TRMT11: variants seen among roughly 807,000 people sequenced by gnomAD.
TRMT11 encodes the protein tRNA (guanine(10)-N(2))-methyltransferase TRMT11.
In TRMT11, 53 loss-of-function variants were observed where a neutral mutation model predicts 62.8. That is an observed-to-expected ratio of 0.84 (90% CI 0.68 to 1.06). TRMT11 has a LOEUF of 1.06. TRMT11 is among the 50% of genes least tolerant of loss of function. The pLI, the probability that TRMT11 is intolerant of heterozygous loss-of-function variation, is 0.00. For missense variants in TRMT11, 556 were observed against 553.4 expected (o/e 1.00, Z -0.05); for synonymous variants, 188 against 190.3 (o/e 0.99, Z 0.10).
intron 7 of TRMT11, among the ~76,000 whole-genome samples, chr6:126,006,451 C>T (rs868071108): frequency 6.6e-6 from 1 of 151,768 alleles, no homozygotes; most frequent in African/African-American, 2.4e-5. Flanking sequence ...AAGATACTAC[C>T]CTAACCTTAA....
At chr6:126,029,183 C>T (rs1458965947) in intron 12 of TRMT11, among the ~76,000 whole-genome samples, 1 of 152,122 alleles carries the variant, frequency 6.6e-6, no homozygotes, top group Non-Finnish European at 1.5e-5. Context: ...TATTCAAATT[C>T]ACATGTAAAC....
At chr6:126,237,073 G>T in the TRMT11 span, among the ~76,000 whole-genome samples, 2 of 151,512 alleles carry the variant, frequency 1.3e-5, no homozygotes, top group African/African-American at 4.9e-5. Flanking sequence ...GATAGAGAGA[G>T]AGAGAGAGAG....
intron 12 of TRMT11, among the ~76,000 whole-genome samples, chr6:126,033,005 A>G (rs1002971785): frequency 2.0e-5 from 3 of 152,168 alleles, no homozygotes; most frequent in Admixed American, 6.5e-5. Context: ...TTTTAATCCT[A>G]TGATCCCTAG....
At chr6:126,125,841 A>T (rs527717811) in intron 21 of TRMT11, among the ~76,000 whole-genome samples, 1 of 143,230 alleles carries the variant, frequency 7.0e-6, no homozygotes, top group African/African-American at 2.5e-5. Context: ...TCTTCAGTGT[A>T]GGATGAAATG....
chr6:126,089,241 G>C (rs1306589436), intron 17 of TRMT11, among the ~76,000 whole-genome samples: 1 of 151,936 alleles, frequency 6.6e-6, no homozygotes, highest in Admixed American at 6.6e-5. Context: ...AGCCTCCTGA[G>C]TAGCTGGGAT....
intron 12 of TRMT11, among the ~76,000 whole-genome samples, chr6:126,035,585 C>T (rs1381167697): frequency 6.6e-6 from 1 of 152,104 alleles, no homozygotes; most frequent in Non-Finnish European, 1.5e-5. Context: ...TCTTTCCCAC[C>T]TTCTCCAGTA....
At chr6:126,043,014 C>T (rs1161477939), downstream of TRMT11, among the ~76,000 whole-genome samples, 1 of 151,580 alleles carries the variant, frequency 6.6e-6, no homozygotes, top group African/African-American at 2.4e-5. Flanking sequence ...AGCCAAATTG[C>T]CTTTGCATTT....
chr6:126,028,883 A>G (rs1211538596), intron 12 of TRMT11, among the ~76,000 whole-genome samples: 3 of 152,184 alleles, frequency 2.0e-5, no homozygotes, highest in African/African-American at 7.2e-5. Flanking sequence ...CTGAGAGAAC[A>G]CATGTCTTTA....
intron 1 of TRMT11, among the ~76,000 whole-genome samples, chr6:126,179,352 T>C (rs933794148): frequency 3.3e-5 from 5 of 152,208 alleles, no homozygotes; most frequent in Non-Finnish European, 7.3e-5. Context: ...AATTTCTGTA[T>C]TGTTATTTAA....
At chr6:126,239,058 T>G in the TRMT11 span, among the ~76,000 whole-genome samples, 1 of 152,206 alleles carries the variant, frequency 6.6e-6, no homozygotes, top group Non-Finnish European at 1.5e-5. Flanking sequence ...GTTTTCCATT[T>G]GCTTGGTAGA....
chr6:126,241,338 G>A, the TRMT11 span, among the ~76,000 whole-genome samples: 3,365 of 152,212 alleles, frequency 0.022, 133 homozygotes, highest in African/African-American at 0.076. Context: ...TCTTGGAACC[G>A]CCTCACAGCC....
At chr6:126,195,449 A>C (rs970077225) in intron 1 of TRMT11, among the ~76,000 whole-genome samples, 3 of 152,212 alleles carry the variant, frequency 2.0e-5, no homozygotes, top group Non-Finnish European at 4.4e-5. Context: ...GTTTATTATT[A>C]CAGACTTTGG....
At chr6:126,248,652 G>C in the TRMT11 span, among the ~76,000 whole-genome samples, 1 of 151,874 alleles carries the variant, frequency 6.6e-6, no homozygotes, top group Admixed American at 6.6e-5. Flanking sequence ...CTTGTCTTTT[G>C]CCTCTGACTC....
chr6:126,214,245 C>T, the TRMT11 span, among the ~76,000 whole-genome samples: 1 of 151,928 alleles, frequency 6.6e-6, no homozygotes, highest in Admixed American at 6.6e-5. Context: ...TAATACTGGC[C>T]TCATAGAATA....
At chr6:126,205,279 C>T (rs1007419325), downstream of TRMT11, among the ~76,000 whole-genome samples, 2 of 152,066 alleles carry the variant, frequency 1.3e-5, no homozygotes, top group African/African-American at 4.8e-5. Context: ...CCAAGGTGGG[C>T]AGGTCACGAG....
intron 21 of TRMT11, among the ~76,000 whole-genome samples, chr6:126,157,494 A>G (rs1005092729): frequency 1.3e-5 from 2 of 152,206 alleles, no homozygotes; most frequent in African/African-American, 4.8e-5. Flanking sequence ...AAACTGATTG[A>G]TGACTGCTGC....
At chr6:126,235,276 A>G in the TRMT11 span, among the ~76,000 whole-genome samples, 1 of 152,208 alleles carries the variant, frequency 6.6e-6, no homozygotes, top group South Asian at 2.1e-4. Context: ...TAGTTCAACC[A>G]TTGTGGAAGA....
At chr6:126,209,875 A>G in the TRMT11 span, among the ~76,000 whole-genome samples, 1 of 152,232 alleles carries the variant, frequency 6.6e-6, no homozygotes, top group African/African-American at 2.4e-5. Flanking sequence ...AATCTCAGTC[A>G]TCTCTGTCCC....
the TRMT11 span, among the ~76,000 whole-genome samples, chr6:126,271,180 A>G: frequency 6.6e-6 from 1 of 151,896 alleles, no homozygotes; most frequent in East Asian, 1.9e-4. Flanking sequence ...ACTGGCCAAC[A>G]TGGTGAAATC....
Sources: gnomAD v4.1 joint callset for allele counts (sites outside exome capture counted in the v4.1 genomes callset) on GRCh38, gnomAD v4.1.1 for gene constraint, MANE v1.5 for transcripts, NCBI Gene and HGNC (gene_info 2026-07-23, HGNC 2026-07-21) for gene names.